The following TBL1XR1 variants were observed in gnomAD, a reference collection of about 807,000 sequenced individuals.
The protein encoded by TBL1XR1 is F-box-like/WD repeat-containing protein TBL1XR1.
In TBL1XR1, 5 loss-of-function variants were observed where a neutral mutation model predicts 66.9. The observed-to-expected ratio is 0.07, with a 90% CI of 0.04 to 0.16. TBL1XR1 has a LOEUF of 0.16. Among genes scored for constraint, TBL1XR1 ranks in the 10% least tolerant of loss-of-function variants. The pLI, the probability that TBL1XR1 is intolerant of heterozygous loss-of-function variation, is 1.00. For synonymous variants in TBL1XR1, 210 were observed against 206.0 expected (o/e 1.02, Z -0.17); for missense variants, 238 against 623.2 (o/e 0.38, Z 6.58).
At chr3:177,092,917 T>C (rs1307649694) in intron 2 of TBL1XR1, among the ~76,000 whole-genome samples, 1 of 152,036 alleles carries the variant, frequency 6.6e-6, no homozygotes, top group Admixed American at 6.6e-5. Context: ...ATAAAGAATA[T>C]GTGGTATGAC....
At chr3:177,094,705 A>C (rs1577146300) in intron 2 of TBL1XR1, among the ~76,000 whole-genome samples, 1 of 152,206 alleles carries the variant, frequency 6.6e-6, no homozygotes, top group Non-Finnish European at 1.5e-5. Flanking sequence ...TTCTAAGTGA[A>C]GTAACTCAGG....
Position 177,032,955 on chromosome 3 carries a change from A to G in TBL1XR1, c.1416+16T>C, listed in dbSNP as rs771949829. The G allele has an allele frequency of 6.5e-7, 1 of 1,527,970 alleles. No individual in the cohort carries two copies. Among genetic ancestry groups the G allele is most frequent in the South Asian group, 1.3e-5 (1 of 78,276 alleles). The allele number at this position is 1,527,970 out of a possible 1,614,324, so 94.7% of individuals were successfully genotyped here. On this transcript the variant is annotated intron_variant, in intron 14 of 15. Transcript: ENST00000457928. ...AAATTTAAGAGCACTTGACCATTTA[A>G]ATAATGAAGACATACCTGCGTGTTC...
At chr3:177,192,053 A>G (rs892150116) in intron 1 of TBL1XR1, among the ~76,000 whole-genome samples, 14 of 147,220 alleles carry the variant, frequency 9.5e-5, no homozygotes, top group African/African-American at 3.0e-4. Context: ...AGATCGCACC[A>G]TTGCACTCCA....
At chr3:177,144,214 C>A (rs1729969372) in intron 1 of TBL1XR1, among the ~76,000 whole-genome samples, 1 of 151,956 alleles carries the variant, frequency 6.6e-6, no homozygotes, top group Non-Finnish European at 1.5e-5. Context: ...CCACTGCACT[C>A]CAGCCTGGGA....
At chr3:177,149,320 G>A (rs1016346588) in intron 1 of TBL1XR1, among the ~76,000 whole-genome samples, 2 of 152,088 alleles carry the variant, frequency 1.3e-5, no homozygotes, top group African/African-American at 2.4e-5. Context: ...CAGAAGCTTG[G>A]ACTTAAATCT....
At chr3:177,069,665 G>A (rs1214663620) in intron 2 of TBL1XR1, among the ~76,000 whole-genome samples, 1 of 151,974 alleles carries the variant, frequency 6.6e-6, no homozygotes, top group Non-Finnish European at 1.5e-5. Context: ...CTTGAACCCG[G>A]GAGGTGGAGG....
In TBL1XR1 at chr3:177,197,430, G is replaced by A. The variant is rs1214165506; in HGVS notation, c.-431C>T. 6.8e-6 allele frequency: 1 copy of A among 146,464 alleles called. No homozygotes were observed. The highest frequency in any genetic ancestry group is 1.5e-5 in the Non-Finnish European group (1 of 65,712). The allele number at this position is 146,464 out of a possible 1,614,324, so 9.1% of individuals were successfully genotyped here. ...CGGGGGAAGGGCGCGAGCGGGGAGAGGAATTGAGGCAGAAGGTAAAAGCTG... is the reference window on the plus strand; with the variant it reads ...CGGGGGAAGGGCGCGAGCGGGGAGAAGAATTGAGGCAGAAGGTAAAAGCTG... On this transcript the variant is annotated 5_prime_UTR_variant, in exon 1 of 16. Coordinates refer to ENST00000457928, the MANE Select transcript of TBL1XR1 (RefSeq NM_024665.7).
At chr3:177,026,674 A>G (rs933695970) in intron 14 of TBL1XR1, 200 bp from the exon 15 acceptor site, 15 of 488,896 alleles carry the variant, frequency 3.1e-5, no homozygotes, top group Non-Finnish European at 4.6e-5. Context: ...TTCTCAAAAG[A>G]TTACTCACAC....
At chr3:177,038,284 C>A in intron 11 of TBL1XR1, 29 bp downstream of exon 11, 1 of 1,593,484 alleles carries the variant, frequency 6.3e-7, no homozygotes, top group Non-Finnish European at 8.6e-7. Flanking sequence ...TAATCATGAC[C>A]ACTTTAATGT....
At chr3:177,144,105 C>A (rs1050540745) in intron 1 of TBL1XR1, among the ~76,000 whole-genome samples, 1 of 152,066 alleles carries the variant, frequency 6.6e-6, no homozygotes, top group Non-Finnish European at 1.5e-5. Flanking sequence ...ATTAGCTGGG[C>A]ATGGTGCTAT....
chr3:177,120,365 G>A (rs1467147551), intron 1 of TBL1XR1, among the ~76,000 whole-genome samples: 1 of 152,092 alleles, frequency 6.6e-6, no homozygotes, highest in Non-Finnish European at 1.5e-5. Context: ...ATTTTATAGT[G>A]TTAGAGAACA....
chr3:177,051,590 G>A lies in TBL1XR1; in HGVS notation c.341C>T (p.Ala114Val), dbSNP rs747826896. 8 of 1,613,236 alleles carry A rather than the reference G, an allele frequency of 5.0e-6. No individual in the cohort carries two copies. Among genetic ancestry groups the A allele is most frequent in the East Asian group, 4.5e-5 (2 of 44,838 alleles). The change falls in exon 5 of 16, where the codon GCC (alanine) becomes GTC (valine). Residue 114 changes from alanine (A) to valine (V), a missense_variant. Physicochemically the swap from Ala to Val is moderately conservative, Grantham distance 64. This residue lies in a region of TBL1XR1 where 80 missense variants were observed against 100.5 expected (regional missense o/e 0.80). Coordinates refer to ENST00000457928, the MANE Select transcript of TBL1XR1 (RefSeq NM_024665.7). ...TCCTTGTTGGCTGGCTGCAGCTGCG[G>A]CAGCTGCAGCAGCTGCTGCCTGTTG... Reference protein sequence around the residue: ...AQQQAAAAAAAAAAASQQGSA... With the variant: ...AQQQAAAAAAVAAAASQQGSA...
At chr3:177,058,059 T>A (rs1718030143) in intron 3 of TBL1XR1, among the ~76,000 whole-genome samples, 1 of 152,066 alleles carries the variant, frequency 6.6e-6, no homozygotes, top group Non-Finnish European at 1.5e-5. Flanking sequence ...ACCTTGCAAA[T>A]AGGCAATACA....
intron 1 of TBL1XR1, among the ~76,000 whole-genome samples, chr3:177,141,976 T>TA (rs1312833795): frequency 6.6e-6 from 1 of 152,204 alleles, no homozygotes; most frequent in African/African-American, 2.4e-5. Flanking sequence ...TGATTCCACT[T>TA]ACATAAGGTA....
chr3:177,086,532 T>TAACAGA (rs1280520027), intron 2 of TBL1XR1, among the ~76,000 whole-genome samples: 5 of 152,178 alleles, frequency 3.3e-5, no homozygotes, highest in Non-Finnish European at 7.4e-5. Context: ...GTGTCTGCTC[T>TAACAGA]GTTACATGAC....
At chr3:177,128,845 C>T (rs1727957438) in intron 1 of TBL1XR1, among the ~76,000 whole-genome samples, 1 of 152,128 alleles carries the variant, frequency 6.6e-6, no homozygotes, top group African/African-American at 2.4e-5. Context: ...AAGTTTTTGG[C>T]CAGTGACACT....
chr3:177,130,150 AAAAAAAAAGAAAG>A (rs1289200250), intron 1 of TBL1XR1, among the ~76,000 whole-genome samples: 1 of 151,002 alleles, frequency 6.6e-6, no homozygotes, highest in African/African-American at 2.4e-5. Context: ...ATCTCAAAAA[AAAAAAAAAGAAAG>A]AAAGAAAAAG....
intron 3 of TBL1XR1, among the ~76,000 whole-genome samples, chr3:177,058,117 C>T (rs1315808434): frequency 6.6e-6 from 1 of 152,140 alleles, no homozygotes; most frequent in African/African-American, 2.4e-5. Flanking sequence ...TACAGGATGA[C>T]TAGATGAGAC....
At position 177,091,389 on chromosome 3, in the gene TBL1XR1, C is replaced by A. The variant is rs137869747; in HGVS notation, c.-46+7077G>T. Among the ~76,000 whole-genome samples the A allele has an allele frequency of 4.1e-3, 629 of 151,960 alleles. 1 individual carries two copies. The highest frequency in any genetic ancestry group is 0.014 in the African/African-American group (572 of 41,424). On this transcript the variant is annotated intron_variant, in intron 2 of 15. Transcript: ENST00000457928. Reference sequence around the variant, plus strand: ...AATACATTATTTTCTATTATGTTTACATATTAACTATTGCATATTATATAA... The same window carrying A: ...AATACATTATTTTCTATTATGTTTAAATATTAACTATTGCATATTATATAA...
Sources: gnomAD v4.1 joint callset for allele counts (sites outside exome capture counted in the v4.1 genomes callset) on GRCh38, gnomAD v4.1.1 for gene constraint, gnomAD v4.1.1 regional missense constraint, MANE v1.5 for transcripts, NCBI Gene and HGNC (gene_info 2026-07-23, HGNC 2026-07-21) for gene names.